Variants in PRORP observed in about 807,000 individuals in gnomAD.
PRORP encodes protein only RNase P catalytic subunit, also known as mitochondrial ribonuclease P catalytic subunit.
Under a neutral mutation model 59.4 loss-of-function variants are expected in PRORP, and 51 were observed. That is an observed-to-expected ratio of 0.86 (90% CI 0.69 to 1.08). The LOEUF is 1.08. Among genes scored for constraint, PRORP ranks in the 50% least tolerant of loss-of-function variants. The pLI is 0.00. For missense variants in PRORP, 646 were observed against 690.3 expected, an observed-to-expected ratio of 0.94 and a Z score of 0.72; for synonymous variants, 231 against 245.6, an observed-to-expected ratio of 0.94 and a Z score of 0.55.
intron 5 of PRORP, among the ~76,000 whole-genome samples, chr14:35,197,262 T>C (rs1353827066): frequency 1.3e-5 from 2 of 152,140 alleles, no homozygotes; most frequent in Non-Finnish European, 2.9e-5. Context: ...CATCACAGTG[T>C]TTTAAAACAC....
intron 5 of PRORP, among the ~76,000 whole-genome samples, chr14:35,213,488 T>A (rs2049505405): frequency 6.6e-6 from 1 of 152,178 alleles, no homozygotes; most frequent in Non-Finnish European, 1.5e-5. Context: ...ACAACTTGGG[T>A]AACTGGCACA....
intron 4 of PRORP, among the ~76,000 whole-genome samples, chr14:35,136,001 A>G (rs2047363776): frequency 6.6e-6 from 1 of 151,716 alleles, no homozygotes; most frequent in African/African-American, 2.4e-5. Context: ...TATGATATGT[A>G]TATTTTAGAG....
chr14:35,159,068 C>G (rs1343042897), intron 4 of PRORP: 1 of 233,352 alleles, frequency 4.3e-6, no homozygotes, highest in African/African-American at 2.3e-5. Flanking sequence ...GCTGTTGACG[C>G]TCCTCTCCTA....
At chr14:35,237,810 G>A (rs2050258509) in intron 5 of PRORP, among the ~76,000 whole-genome samples, 2 of 151,102 alleles carry the variant, frequency 1.3e-5, no homozygotes, top group Non-Finnish European at 2.9e-5. Context: ...ATGCCACCAA[G>A]CCCGGCTAAT....
At chr14:35,254,416 G>A (rs1255668565) in intron 5 of PRORP, among the ~76,000 whole-genome samples, 3 of 152,014 alleles carry the variant, frequency 2.0e-5, no homozygotes, top group Non-Finnish European at 2.9e-5. Context: ...TTTTGAGATG[G>A]AGTTTCGCTC....
intron 4 of PRORP, among the ~76,000 whole-genome samples, chr14:35,167,921 G>C (rs1035029856): frequency 6.6e-6 from 1 of 152,202 alleles, no homozygotes; most frequent in Non-Finnish European, 1.5e-5. Flanking sequence ...ATATCCATGT[G>C]CTGCAGACAC....
Position 35,124,238 on chromosome 14 carries a change from T to C in PRORP, c.986+7T>C, listed in dbSNP as rs1235074158. Reference sequence around the variant, plus strand: ...TAAAAACATGGTTTGAGAGGTAATTTTGGTTTTTTTATATGTATGTTTTTA... The same window carrying C: ...TAAAAACATGGTTTGAGAGGTAATTCTGGTTTTTTTATATGTATGTTTTTA... On this transcript the variant is annotated splice_region_variant and intron_variant, in intron 2 of 7. Coordinates refer to ENST00000534898, the MANE Select transcript of PRORP (RefSeq NM_014672.4). The C allele has an allele frequency of 6.6e-7, 1 of 1,517,660 alleles. No individual in the cohort carries two copies. Among genetic ancestry groups the C allele is most frequent in the African/African-American group, 1.4e-5 (1 of 71,608 alleles). 94.0% of individuals were successfully genotyped at this position (1,517,660 alleles called of 1,614,324 possible). A position where few individuals can be genotyped will look rare whatever the true frequency, so the allele number is the denominator to read the frequency against.
At chr14:35,177,527 G>C (rs2048484231) in intron 4 of PRORP, among the ~76,000 whole-genome samples, 1 of 152,128 alleles carries the variant, frequency 6.6e-6, no homozygotes, top group Non-Finnish European at 1.5e-5. Context: ...TAGTTTATTT[G>C]CGTAGAGGTG....
At chr14:35,149,162 G>C (rs933131285) in intron 4 of PRORP, among the ~76,000 whole-genome samples, 11 of 150,380 alleles carry the variant, frequency 7.3e-5, no homozygotes, top group African/African-American at 2.0e-4. Flanking sequence ...CTCGTGATCC[G>C]CCCGCCTCGG....
chr14:35,232,800 G>A (rs1017876401), intron 5 of PRORP, among the ~76,000 whole-genome samples: 5 of 152,094 alleles, frequency 3.3e-5, no homozygotes, highest in African/African-American at 1.2e-4. Flanking sequence ...AGCCTCCTGA[G>A]TAGCTGGGAC....
chr14:35,228,521 A>G (rs887105491), intron 5 of PRORP, among the ~76,000 whole-genome samples: 9 of 152,082 alleles, frequency 5.9e-5, no homozygotes, highest in Non-Finnish European at 8.8e-5. Flanking sequence ...TGAGTACCCA[A>G]TGTTTATCTC....
At chr14:35,222,491 C>G (rs2049813325) in intron 5 of PRORP, 2 of 152,228 alleles carry the variant, frequency 1.3e-5, no homozygotes, top group African/African-American at 4.8e-5. Flanking sequence ...GGATCCACTA[C>G]CGGTGCCAGC....
chr14:35,173,200 G>C (rs2048364101), intron 4 of PRORP, among the ~76,000 whole-genome samples: 3 of 151,946 alleles, frequency 2.0e-5, no homozygotes, highest in Admixed American at 2.0e-4. Context: ...CTTTTTTCTT[G>C]ACTGTGGATC....
intron 5 of PRORP, among the ~76,000 whole-genome samples, chr14:35,190,175 G>A (rs539691921): frequency 6.6e-6 from 1 of 151,308 alleles, no homozygotes; most frequent in East Asian, 2.0e-4. Flanking sequence ...GAGGTGAGTG[G>A]ATCATCTGAG....
At chr14:35,227,143 T>G (rs993805941) in intron 5 of PRORP, among the ~76,000 whole-genome samples, 2 of 151,902 alleles carry the variant, frequency 1.3e-5, no homozygotes, top group Non-Finnish European at 2.9e-5. Flanking sequence ...TTCCACTTAT[T>G]TTCCTTAAAA....
At position 35,187,113 on chromosome 14, in the gene PRORP, A is replaced by G. The variant is rs147684947; in HGVS notation, c.1275+6336A>G. ...CTTGGCTATTATGAGTAATGCTACT[A>G]TGAACATTTAGGCACAAGTTTTTGT... On this transcript the variant is annotated intron_variant, in intron 5 of 7. Coordinates refer to ENST00000534898, the MANE Select transcript of PRORP (RefSeq NM_014672.4). Among the ~76,000 whole-genome samples the G allele has an allele frequency of 4.6e-5, 7 of 152,286 alleles. No homozygotes were observed. The East Asian group carries it at 1.2e-3, about 25-fold the overall frequency.
At chr14:35,157,065 C>G (rs940666252) in intron 4 of PRORP, among the ~76,000 whole-genome samples, 2 of 151,042 alleles carry the variant, frequency 1.3e-5, no homozygotes, top group African/African-American at 4.9e-5. Context: ...ACGCCATTCT[C>G]CTGCCTCAGC....
chr14:35,128,457 G>A (rs751151257), intron 4 of PRORP, among the ~76,000 whole-genome samples: 1 of 152,048 alleles, frequency 6.6e-6, no homozygotes, highest in Non-Finnish European at 1.5e-5. Flanking sequence ...CAGTGAAGCC[G>A]TCAGGTCCTG....
At chr14:35,129,218 A>G (rs1595158725) in intron 4 of PRORP, among the ~76,000 whole-genome samples, 1 of 152,044 alleles carries the variant, frequency 6.6e-6, no homozygotes, top group Non-Finnish European at 1.5e-5. Flanking sequence ...CAAAAAAAAA[A>G]GATGCATATT....
Sources: gnomAD v4.1 joint callset for allele counts (sites outside exome capture counted in the v4.1 genomes callset) on GRCh38, gnomAD v4.1.1 for gene constraint, MANE v1.5 for transcripts, NCBI Gene and HGNC (gene_info 2026-07-23, HGNC 2026-07-21) for gene names.